Variants in TATDN3 observed in about 807,000 individuals in gnomAD.
TATDN3 encodes deoxyribonuclease TATDN3.
Under a neutral mutation model 40.1 loss-of-function variants are expected in TATDN3, and 29 were observed. That is an observed-to-expected ratio of 0.72 (90% CI 0.54 to 0.99). The LOEUF (loss-of-function observed/expected upper bound fraction) is 0.99. Ranked by LOEUF, TATDN3 falls within the 50% of genes least tolerant of loss-of-function variation. TATDN3 has a pLI of 0.00. For synonymous variants in TATDN3, 105 were observed against 117.0 expected, an observed-to-expected ratio of 0.90 and a Z score of 0.66; for missense variants, 309 against 321.9, an observed-to-expected ratio of 0.96 and a Z score of 0.31.
At chr1:212,800,890 CTT>C (rs112248012) in intron 4 of TATDN3, among the ~76,000 whole-genome samples, 37 of 140,052 alleles carry the variant, frequency 2.6e-4, no homozygotes, top group Admixed American at 2.9e-4. Flanking sequence ...GGTATGTAAT[CTT>C]TTTTTTTTTT....
chr1:212,806,746 C>CTT (rs1558083558), intron 7 of TATDN3, among the ~76,000 whole-genome samples: 1 of 45,188 alleles, frequency 2.2e-5, no homozygotes, highest in Non-Finnish European at 3.8e-5. Flanking sequence ...CTCTCTCTCT[C>CTT]CATATATATA....
At chr1:212,805,359 T>C (rs980589439) in intron 7 of TATDN3, among the ~76,000 whole-genome samples, 1 of 152,128 alleles carries the variant, frequency 6.6e-6, no homozygotes, top group Non-Finnish European at 1.5e-5. Context: ...GGGTTCAAGC[T>C]ATTCTTCTGC....
chr1:212,803,289 T>C (rs189682848), intron 5 of TATDN3, among the ~76,000 whole-genome samples: 95 of 152,022 alleles, frequency 6.2e-4, no homozygotes, highest in Non-Finnish European at 1.1e-3. Flanking sequence ...TTCAAGTGGT[T>C]CTCCTGCCTC....
intron 7 of TATDN3, among the ~76,000 whole-genome samples, chr1:212,805,814 C>T (rs935066585): frequency 4.6e-5 from 7 of 152,102 alleles, no homozygotes; most frequent in East Asian, 1.9e-4. Flanking sequence ...AGGTGCCATC[C>T]GCAGTAAGAA....
chr1:212,812,466 T>A (rs1270868241), intron 9 of TATDN3, 138 bp downstream of exon 9: 3 of 555,054 alleles, frequency 5.4e-6, no homozygotes, highest in Non-Finnish European at 9.5e-6. Context: ...TATATTAACT[T>A]TATTTCAGGT....
At chr1:212,803,989 TC>T (rs1434969841) in intron 5 of TATDN3, among the ~76,000 whole-genome samples, 3 of 151,868 alleles carry the variant, frequency 2.0e-5, no homozygotes, top group Non-Finnish European at 2.9e-5. Context: ...TGAGCCGAGA[TC>T]ACGCCACTGC....
chr1:212,794,637 C>A, intron 1 of TATDN3: 2 of 396,962 alleles, frequency 5.0e-6, no homozygotes, highest in Non-Finnish European at 1.0e-5. Flanking sequence ...ATGATAAAAC[C>A]ATGAGAGGAA....
intron 4 of TATDN3, among the ~76,000 whole-genome samples, chr1:212,801,971 C>T (rs1044372856): frequency 2.6e-5 from 4 of 152,122 alleles, no homozygotes; most frequent in Non-Finnish European, 5.9e-5. Context: ...TCTGATTATC[C>T]TCAGGAGAAA....
intron 4 of TATDN3, chr1:212,797,747 T>G (rs1249706925): frequency 2.0e-5 from 3 of 152,716 alleles, no homozygotes; most frequent in Non-Finnish European, 4.4e-5. Flanking sequence ...AGGGAACAGA[T>G]TAGTTCAAGT....
At chr1:212,811,928 C>G (rs1662911032) in intron 8 of TATDN3, among the ~76,000 whole-genome samples, 1 of 152,062 alleles carries the variant, frequency 6.6e-6, no homozygotes, top group Admixed American at 6.5e-5. Context: ...GTCTTGAACT[C>G]CTGACCTTAT....
rs1553256508 is a variant in TATDN3, at chr1:212,797,202, A to G, written c.258+6A>G. On this transcript the variant is annotated splice_donor_region_variant and intron_variant, in intron 4 of 9. Transcript: ENST00000366974. ...AAAGAAGTGTCACACTAAAGGTAAC[A>G]GTCATACAAAACAGGAACCATTAAA... The G allele has an allele frequency of 6.2e-7, 1 of 1,609,468 alleles. No homozygotes were observed. The highest frequency in any genetic ancestry group is 8.5e-7 in the Non-Finnish European group (1 of 1,175,848).
At chr1:212,813,943 A>G (rs1001967323) in intron 9 of TATDN3, among the ~76,000 whole-genome samples, 1 of 151,018 alleles carries the variant, frequency 6.6e-6, no homozygotes, top group East Asian at 1.9e-4. Context: ...TTATTTTATA[A>G]CTGATCTTTA....
chr1:212,794,331 C>G (rs112296900), intron 1 of TATDN3, among the ~76,000 whole-genome samples: 45 of 151,782 alleles, frequency 3.0e-4, no homozygotes, highest in African/African-American at 1.0e-3. Context: ...TGGCTCACAC[C>G]TGTAGTCCCA....
At chr1:212,806,645 T>C (rs1463432671) in intron 7 of TATDN3, among the ~76,000 whole-genome samples, 3 of 148,752 alleles carry the variant, frequency 2.0e-5, no homozygotes, top group African/African-American at 7.4e-5. Context: ...CATCCCAGAG[T>C]GCTGGGATTA....
At position 212,804,424 on chromosome 1, in the gene TATDN3, G is replaced by C. The variant is rs761487531; in HGVS notation, c.426G>C (p.Leu142Phe). 3.1e-6 allele frequency: 5 copies of C among 1,612,068 alleles called. No individual in the cohort carries two copies. The highest frequency in any genetic ancestry group is 2.7e-5 in the African/African-American group (2 of 74,896). ...TCCAGTTAGCCAAAAGACTAAATTTGCCTGTGTAGGTTAATTATTTTCCTA... is the reference window on the plus strand; with the variant it reads ...TCCAGTTAGCCAAAAGACTAAATTTCCCTGTGTAGGTTAATTATTTTCCTA... ...RQIQLAKRLN[L>F]PVNVHSRSAG... Residue 142 changes from leucine (L) to phenylalanine (F), a missense_variant, in exon 6 of 10, where the codon TTG becomes TTC. Coordinates refer to ENST00000366974, the MANE Select transcript of TATDN3 (RefSeq NM_001042552.3).
At chr1:212,798,982 G>A (rs1370002570) in intron 4 of TATDN3, among the ~76,000 whole-genome samples, 5 of 152,344 alleles carry the variant, frequency 3.3e-5, no homozygotes, top group Admixed American at 2.0e-4. Flanking sequence ...AAGGACTCTG[G>A]TAGTGACAAT....
intron 4 of TATDN3, among the ~76,000 whole-genome samples, chr1:212,800,674 T>C (rs1662115320): frequency 6.6e-6 from 1 of 152,124 alleles, no homozygotes. Flanking sequence ...CTTCCTTCTT[T>C]CATTCATTCC....
At chr1:212,809,560 T>TACTCGGGAGTA (rs1662735221) in intron 8 of TATDN3, among the ~76,000 whole-genome samples, 1 of 151,690 alleles carries the variant, frequency 6.6e-6, no homozygotes, top group East Asian at 1.9e-4. Flanking sequence ...GGTGGGCGCC[T>TACTCGGGAGTA]GTAGTCCCAC....
At chr1:212,804,130 A>C (rs1284316936) in intron 5 of TATDN3, among the ~76,000 whole-genome samples, 190 bp from the exon 6 acceptor site, 1 of 152,186 alleles carries the variant, frequency 6.6e-6, no homozygotes, top group East Asian at 1.9e-4. Context: ...TATTGGGTTA[A>C]AGTATATTAT....
Sources: allele counts gnomAD v4.1 joint callset (sites outside exome capture counted in the v4.1 genomes callset), GRCh38; gene constraint gnomAD v4.1.1; transcripts MANE v1.5; gene names NCBI Gene and HGNC (gene_info 2026-07-23, HGNC 2026-07-21).